SEC24B: variants seen among roughly 807,000 people sequenced by gnomAD.
SEC24B encodes SEC24 homolog B, COPII component, also known as protein transport protein Sec24B.
Under a neutral mutation model 142.8 loss-of-function variants are expected in SEC24B, and 45 were observed. The observed-to-expected ratio is 0.32, with a 90% CI of 0.25 to 0.40. The LOEUF (loss-of-function observed/expected upper bound fraction) is 0.40, where lower values mean the gene tolerates loss of function less well. Among genes scored for constraint, SEC24B ranks in the 10% least tolerant of loss-of-function variants. The pLI is 1.00. For missense variants in SEC24B, 1,409 were observed against 1,526.8 expected (o/e 0.92, Z 1.29); for synonymous variants, 574 against 568.2 (o/e 1.01, Z -0.15).
chr4:109,528,168 C>A (rs1289519344), intron 18 of SEC24B, among the ~76,000 whole-genome samples: 1 of 152,012 alleles, frequency 6.6e-6, no homozygotes. Flanking sequence ...TGGGCTCATT[C>A]CCAACACTTT....
chr4:109,524,469 G>C (rs1057404744), intron 14 of SEC24B, among the ~76,000 whole-genome samples: 1 of 152,116 alleles, frequency 6.6e-6, no homozygotes, highest in South Asian at 2.1e-4. Flanking sequence ...TCTGCAGCCA[G>C]ATTTCTTGGG....
rs2126036675 is a variant in SEC24B, at chr4:109,506,570, C to CA, written c.1673+63dup. On this transcript the variant is annotated intron_variant, in intron 7 of 23. Transcript: ENST00000265175. Reference sequence around the variant, plus strand: ...AGTGATGAAAACATTGTATGACTTTCAAAAATAGTAAAAGTAGTATGTTAT... The same window carrying CA: ...AGTGATGAAAACATTGTATGACTTTCAAAAAATAGTAAAAGTAGTATGTTAT... The CA allele has an allele frequency of 5.2e-6, 6 of 1,150,142 alleles. 1 individual carries two copies. The South Asian group carries it at 1.4e-4, about 26-fold the overall frequency. 71.2% of individuals were successfully genotyped at this position (1,150,142 alleles called of 1,614,324 possible).
intron 5 of SEC24B, 112 bp from the exon 6 acceptor site, chr4:109,494,503 A>G: frequency 7.1e-7 from 1 of 1,404,432 alleles, no homozygotes; most frequent in African/African-American, 1.4e-5. Flanking sequence ...CTTAGAATAA[A>G]AAGCTTTAAA....
intron 6 of SEC24B, among the ~76,000 whole-genome samples, chr4:109,502,738 A>G (rs944814659): frequency 5.9e-5 from 9 of 152,238 alleles, no homozygotes; most frequent in African/African-American, 2.2e-4. Flanking sequence ...TTGGTCAAGT[A>G]TGGAGAAATA....
intron 18 of SEC24B, 122 bp downstream of exon 18, chr4:109,527,554 C>T (rs1394852208): frequency 2.4e-5 from 16 of 655,900 alleles, no homozygotes; most frequent in South Asian, 1.9e-4. Context: ...GGACGGACCA[C>T]GAGGTCAGGA....
chr4:109,532,855 A>T, intron 21 of SEC24B, 112 bp downstream of exon 21: 1 of 589,314 alleles, frequency 1.7e-6, no homozygotes, highest in South Asian at 2.4e-5. Flanking sequence ...GTGAATTAGG[A>T]TTAGGAGCTG....
In SEC24B at chr4:109,482,235, G is replaced by A. The variant is rs895397778; in HGVS notation, c.1165+454G>A. On this transcript the variant is annotated intron_variant, in intron 4 of 23. Transcript: ENST00000265175. ...GACAGTGTTTCAGTGAGGTCCTTTT[G>A]GCTTTTCTTGTCATGTATTTAGAAG... is the stretch of plus-strand genomic sequence containing the variant. Among the ~76,000 whole-genome samples, 5 of 152,284 alleles carry A rather than the reference G, an allele frequency of 3.3e-5. No homozygotes were observed. In the East Asian group the frequency reaches 5.8e-4, roughly 18 times the overall value.
intron 9 of SEC24B, among the ~76,000 whole-genome samples, chr4:109,513,430 C>G (rs111236149): frequency 0.047 from 7,130 of 151,712 alleles, 190 homozygotes; most frequent in African/African-American, 0.07. Flanking sequence ...ATTACAGGCG[C>G]ACACCACTAT....
chr4:109,495,343 A>T (rs1352564563), intron 6 of SEC24B, among the ~76,000 whole-genome samples: 1 of 152,216 alleles, frequency 6.6e-6, no homozygotes, highest in Non-Finnish European at 1.5e-5. Context: ...ATAGGCTCAC[A>T]TGCTCATTTA....
chr4:109,472,173 A>ACT (rs1732590095), intron 2 of SEC24B, among the ~76,000 whole-genome samples: 1 of 152,204 alleles, frequency 6.6e-6, no homozygotes, highest in South Asian at 2.1e-4. Context: ...ATACACACAC[A>ACT]CTATACATAG....
chr4:109,508,190 A>G (rs1033232231), intron 7 of SEC24B, among the ~76,000 whole-genome samples: 1 of 152,116 alleles, frequency 6.6e-6, no homozygotes, highest in Non-Finnish European at 1.5e-5. Context: ...CATCCTTCCA[A>G]ATATAAGTTG....
At chr4:109,443,952 G>GT (rs1009522067) in intron 1 of SEC24B, among the ~76,000 whole-genome samples, 1 of 152,130 alleles carries the variant, frequency 6.6e-6, no homozygotes, top group African/African-American at 2.4e-5. Flanking sequence ...GCCCGGTGTG[G>GT]TGGCTCATGC....
At chr4:109,509,728 G>C (rs969723701) in intron 7 of SEC24B, among the ~76,000 whole-genome samples, 1 of 146,846 alleles carries the variant, frequency 6.8e-6, no homozygotes, top group South Asian at 2.1e-4. Context: ...TATGTTTTCT[G>C]TGTGCTCCTA....
chr4:109,534,565 T>C (rs1725296731), intron 22 of SEC24B, among the ~76,000 whole-genome samples: 1 of 151,740 alleles, frequency 6.6e-6, no homozygotes, highest in Non-Finnish European at 1.5e-5. Flanking sequence ...CCAGCCTGGG[T>C]GACACAGCGA....
intron 1 of SEC24B, among the ~76,000 whole-genome samples, chr4:109,449,113 G>A (rs745559544): frequency 3.2e-4 from 48 of 152,152 alleles, no homozygotes; most frequent in Admixed American, 5.9e-4. Context: ...CAGGGTTTAC[G>A]TGATACCAGC....
intron 22 of SEC24B, 110 bp from the exon 23 acceptor site, chr4:109,538,383 A>G: frequency 1.5e-6 from 1 of 666,646 alleles, no homozygotes; most frequent in Non-Finnish European, 2.7e-6. Flanking sequence ...TGTTGAGGCT[A>G]AGAAATAGAG....
intron 3 of SEC24B, 39 bp from the exon 4 acceptor site, chr4:109,481,638 G>A: frequency 7.2e-7 from 1 of 1,381,946 alleles, no homozygotes; most frequent in Admixed American, 2.0e-5. Context: ...CATCTTTCCT[G>A]TTGGTTTGAC....
chr4:109,438,509 T>C (rs1728625075), intron 1 of SEC24B, among the ~76,000 whole-genome samples: 1 of 152,132 alleles, frequency 6.6e-6, no homozygotes, highest in African/African-American at 2.4e-5. Flanking sequence ...TAGAGACTGA[T>C]CTCAAACTCC....
intron 1 of SEC24B, among the ~76,000 whole-genome samples, chr4:109,439,588 C>T (rs1288428889): frequency 8.4e-5 from 12 of 143,674 alleles, no homozygotes; most frequent in African/African-American, 2.1e-4. Context: ...CTGCAACCTC[C>T]GCCTCCCGGG....
Sources: gnomAD v4.1 joint callset for allele counts (sites outside exome capture counted in the v4.1 genomes callset) on GRCh38, gnomAD v4.1.1 for gene constraint, MANE v1.5 for transcripts, NCBI Gene and HGNC (gene_info 2026-07-23, HGNC 2026-07-21) for gene names.